The following EPHA7 variants were observed in gnomAD, a reference collection of about 807,000 sequenced individuals.
The protein encoded by EPHA7 is ephrin type-A receptor 7.
Under a neutral mutation model 112.6 loss-of-function variants are expected in EPHA7, and 25 were observed. The ratio of observed to expected loss-of-function variants is 0.22; its 90% CI spans 0.16 to 0.31. The LOEUF is 0.31. EPHA7 is among the 10% of genes least tolerant of loss of function. EPHA7 has a pLI of 1.00. For synonymous variants in EPHA7, 437 were observed against 406.5 expected (o/e 1.07, Z -0.90); for missense variants, 962 against 1,212.6 (o/e 0.79, Z 3.07).
intron 5 of EPHA7, among the ~76,000 whole-genome samples, chr6:93,281,272 T>C (rs928469746): frequency 6.6e-6 from 1 of 152,186 alleles, no homozygotes; most frequent in Admixed American, 6.5e-5. Flanking sequence ...CAAAATGTTA[T>C]AAAATATATT....
At chr6:93,289,927 C>G (rs1486060259) in intron 5 of EPHA7, among the ~76,000 whole-genome samples, 2 of 152,014 alleles carry the variant, frequency 1.3e-5, no homozygotes, top group African/African-American at 2.4e-5. Context: ...GCCTTAAAAC[C>G]GTTTTGGATG....
intron 5 of EPHA7, among the ~76,000 whole-genome samples, chr6:93,317,979 G>A (rs1255738628): frequency 1.3e-5 from 2 of 152,008 alleles, no homozygotes; most frequent in African/African-American, 4.8e-5. Context: ...ATCATTTACT[G>A]TATCTGGAAA....
intron 9 of EPHA7, among the ~76,000 whole-genome samples, chr6:93,259,808 A>G (rs1330787950): frequency 6.6e-6 from 1 of 152,022 alleles, no homozygotes. Flanking sequence ...AGTTCAAGCC[A>G]TATTAAGGTT....
Position 93,356,914 on chromosome 6 carries a change from T to C in EPHA7, c.1127A>G (p.Gln376Arg), listed in dbSNP as rs779939317. The C allele has an allele frequency of 6.2e-7, 1 of 1,614,178 alleles. No individual in the cohort carries two copies. Among genetic ancestry groups the C allele is most frequent in the African/African-American group, 1.3e-5 (1 of 75,062 alleles). ...ACTCCCACAGGGAACACATTCGCCC[T>C]GCTCCCAACTGCACCGCTTACACAA... is the stretch of plus-strand genomic sequence containing the variant. ...RILCKRCSWE[Q>R]GECVPCGSNI... Residue 376 changes from glutamine to arginine, a missense_variant, in exon 5 of 17, where the codon CAG becomes CGG. By Grantham distance (43) the Gln-to-Arg change is conservative (BLOSUM62 1). Transcript: ENST00000369303.
At position 93,245,403 on chromosome 6, in the gene EPHA7, C is replaced by A. The variant is rs751918950; in HGVS notation, c.2777G>T (p.Cys926Phe). ...AGCTTGTAGCCATTCTCCAACTGAACAAAAGGTAGTGAAATCAGGAGTGTT... is the reference window on the plus strand; with the variant it reads ...AGCTTGTAGCCATTCTCCAACTGAAAAAAAGGTAGTGAAATCAGGAGTGTT... ...DQNTPDFTTFCSVGEWLQAIK... is the reference protein window; with the variant it reads ...DQNTPDFTTFFSVGEWLQAIK... The change falls in exon 16 of 17, where the codon TGT becomes TTT. Residue 926 changes from cysteine to phenylalanine, a missense_variant. By Grantham distance (205) the Cys-to-Phe change is radical (BLOSUM62 -2). Transcript: ENST00000369303. The A allele has an allele frequency of 5.0e-6, 8 of 1,613,518 alleles. No individual in the cohort carries two copies. The highest frequency in any genetic ancestry group is 1.3e-5 in the African/African-American group (1 of 74,854).
At chr6:93,268,920 T>C (rs1209131178) in intron 7 of EPHA7, among the ~76,000 whole-genome samples, 1 of 151,822 alleles carries the variant, frequency 6.6e-6, no homozygotes, top group African/African-American at 2.4e-5. Context: ...ATAGATTCCT[T>C]AGTATGCATG....
At chr6:93,289,793 A>G (rs1247329137) in intron 5 of EPHA7, among the ~76,000 whole-genome samples, 1 of 152,190 alleles carries the variant, frequency 6.6e-6, no homozygotes, top group Non-Finnish European at 1.5e-5. Flanking sequence ...GACATATAAA[A>G]TCATTGGTTA....
intron 3 of EPHA7, chr6:93,410,000 T>C (rs1778900176): frequency 6.6e-6 from 1 of 151,872 alleles, no homozygotes; most frequent in African/African-American, 2.4e-5. Flanking sequence ...AGTTATAGTA[T>C]TTATATAAGA....
chr6:93,363,193 T>A (rs1008604705), intron 3 of EPHA7, among the ~76,000 whole-genome samples: 5 of 152,182 alleles, frequency 3.3e-5, no homozygotes, highest in African/African-American at 1.2e-4. Context: ...TTCTATATTT[T>A]AAAAAAATTG....
At chr6:93,364,115 T>C (rs1467996890) in intron 3 of EPHA7, among the ~76,000 whole-genome samples, 2 of 152,204 alleles carry the variant, frequency 1.3e-5, no homozygotes, top group Admixed American at 6.5e-5. Context: ...GTTCTAAAAA[T>C]GATTTGCGGT....
intron 3 of EPHA7, among the ~76,000 whole-genome samples, chr6:93,402,391 G>A (rs925032882): frequency 2.6e-5 from 4 of 151,914 alleles, no homozygotes; most frequent in African/African-American, 9.7e-5. Context: ...TTTTAAGGAA[G>A]GTAAGAGCAA....
At chr6:93,383,779 C>T (rs1345998491) in intron 3 of EPHA7, among the ~76,000 whole-genome samples, 1 of 152,078 alleles carries the variant, frequency 6.6e-6, no homozygotes, top group Non-Finnish European at 1.5e-5. Flanking sequence ...CTAACTGTAG[C>T]CTCGAACTCC....
At chr6:93,309,410 G>A (rs1773418720) in intron 5 of EPHA7, among the ~76,000 whole-genome samples, 1 of 151,946 alleles carries the variant, frequency 6.6e-6, no homozygotes, top group South Asian at 2.1e-4. Context: ...AGAAATTATT[G>A]TAGTCATCCA....
At chr6:93,416,615 C>G (rs116620766) in intron 1 of EPHA7, among the ~76,000 whole-genome samples, 2 of 152,316 alleles carry the variant, frequency 1.3e-5, no homozygotes, top group East Asian at 1.9e-4. Flanking sequence ...CTCTTCTGCT[C>G]GGTCCGCTCT....
intron 16 of EPHA7, 140 bp from the exon 17 acceptor site, chr6:93,243,680 C>T (rs530810608): frequency 3.9e-4 from 239 of 607,350 alleles, no homozygotes; most frequent in Middle Eastern, 1.2e-3. Flanking sequence ...TATGATCACA[C>T]CCCTGCAGCA....
Position 93,280,636 on chromosome 6 carries a change from C to T in EPHA7, c.1325-8214G>A, listed in dbSNP as rs1446160096. The stretch of plus-strand genomic sequence containing the variant: ...AAGAGCATGGGCCAGAAAGCTAGTC[C>T]GTGGCTTATTTGCTGTGTGACCTTG... On this transcript the variant is annotated intron_variant, in intron 5 of 16. Coordinates refer to ENST00000369303, the MANE Select transcript of EPHA7 (RefSeq NM_004440.4). 2.0e-5 allele frequency among the ~76,000 whole-genome samples: 3 copies of T among 152,158 alleles called. No homozygotes were observed. The South Asian group carries it at 6.2e-4, about 32-fold the overall frequency.
intron 5 of EPHA7, among the ~76,000 whole-genome samples, chr6:93,341,133 C>A (rs770514704): frequency 3.9e-5 from 6 of 151,918 alleles, no homozygotes; most frequent in Admixed American, 6.6e-5. Context: ...GCAAATCAGA[C>A]AATCTATAGC....
chr6:93,371,824 T>C (rs543843265), intron 3 of EPHA7, among the ~76,000 whole-genome samples: 75 of 152,226 alleles, frequency 4.9e-4, no homozygotes, highest in African/African-American at 1.8e-3. Flanking sequence ...TGACTAAAGA[T>C]TTGAAAATGT....
At chr6:93,372,548 A>C (rs1033982550) in intron 3 of EPHA7, among the ~76,000 whole-genome samples, 2 of 152,180 alleles carry the variant, frequency 1.3e-5, no homozygotes, top group Non-Finnish European at 2.9e-5. Context: ...CTTATCATAT[A>C]TTAGTGTTGA....
Sources: gnomAD v4.1 joint callset for allele counts (sites outside exome capture counted in the v4.1 genomes callset) on GRCh38, gnomAD v4.1.1 for gene constraint, MANE v1.5 for transcripts, NCBI Gene and HGNC (gene_info 2026-07-23, HGNC 2026-07-21) for gene names.